ANKAR: variants seen among roughly 807,000 people sequenced by gnomAD.
ANKAR encodes the protein ankyrin and armadillo repeat-containing protein.
ANKAR carries 136 observed loss-of-function variants against 146.2 expected under a neutral mutation model. The ratio of observed to expected loss-of-function variants is 0.93; its 90% CI spans 0.81 to 1.07. The LOEUF is 1.07. Ranked by LOEUF, ANKAR falls within the 50% of genes least tolerant of loss-of-function variation. The pLI is 0.00. For missense variants in ANKAR, 1,567 were observed against 1,679.9 expected (o/e 0.93, Z 1.18); for synonymous variants, 500 against 575.8 (o/e 0.87, Z 1.88).
rs2042190332 is a variant in ANKAR at position 189,729,456 on chromosome 2, C to T, written c.3193+635C>T. On this transcript the variant is annotated intron_variant, in intron 15 of 22. Transcript: ENST00000684021. ...ATGAAGTATAATAGGAATTGATTCT[C>T]ACATTTTTTTCTCTTTGCTTGCCAA... Among the ~76,000 whole-genome samples the T allele has an allele frequency of 9.2e-5, 14 of 152,290 alleles. No individual in the cohort carries two copies. The South Asian group carries it at 2.9e-3, about 32-fold the overall frequency.
In ANKAR at chr2:189,754,884, C is replaced by T. The variant is rs764795908; in HGVS notation, c.*585-6214C>T. On this transcript the variant is annotated intron_variant and NMD_transcript_variant, in intron 18 of 18. Transcript: ENST00000441800. ...ACCTTTTTTGCAGTATGTTAGTTTA[C>T]GAAGCACGTTCTTTCACATACATTA... The T allele has an allele frequency of 4.1e-4, 147 of 362,924 alleles. 1 individual carries two copies. Among genetic ancestry groups the T allele is most frequent in the Non-Finnish European group, 1.4e-4 (28 of 204,124 alleles). 22.5% of individuals were successfully genotyped at this position (362,924 alleles called of 1,614,324 possible). A position where few individuals can be genotyped will look rare whatever the true frequency, so the allele number is the denominator to read the frequency against.
At position 189,754,433 on chromosome 2, in the gene ANKAR, A is replaced by C. The variant is rs144775603; in HGVS notation, c.*585-6665A>C. Reference sequence around the variant, plus strand: ...AGGAAATAAATTGAAAATTACTAACAAAACAAAAAACCCCTGAATGAATAA... The same window carrying C: ...AGGAAATAAATTGAAAATTACTAACCAAACAAAAAACCCCTGAATGAATAA... On this transcript the variant is annotated intron_variant and NMD_transcript_variant, in intron 18 of 18. Coordinates refer to the ANKAR transcript ENST00000441800. 374 of 1,197,422 alleles carry C rather than the reference A, an allele frequency of 3.1e-4. 2 individuals carry two copies. In the African/African-American group the frequency reaches 5.5e-3, roughly 17 times the overall value. The allele number at this position is 1,197,422 out of a possible 1,614,324, so 74.2% of individuals were successfully genotyped here. A position where few individuals can be genotyped will look rare whatever the true frequency, so the allele number is the denominator to read the frequency against.
At chr2:189,743,551 C>T (rs1178995930) in intron 21 of ANKAR, 77 bp downstream of exon 21, 1 of 1,280,398 alleles carries the variant, frequency 7.8e-7, no homozygotes. Flanking sequence ...TAAGATCCAA[C>T]AAGAGGAACT....
downstream of ANKAR, chr2:189,750,607 T>C (rs1352501233): frequency 1.9e-6 from 3 of 1,592,158 alleles, no homozygotes; most frequent in Admixed American, 5.3e-5. Context: ...TGTGGTACTT[T>C]TATGGAAGCT....
chr2:189,692,603 C>T (rs1333520747), intron 4 of ANKAR, 185 bp downstream of exon 4: 2 of 511,336 alleles, frequency 3.9e-6, no homozygotes, highest in Middle Eastern at 5.0e-4. Context: ...ATGTAAGGTA[C>T]TGTGTTGGAT....
Position 189,689,848 on chromosome 2 carries a change from A to T in ANKAR, c.923A>T (p.Asp308Val). The change falls in exon 3 of 23, where the codon GAT becomes GTT. Residue 308 changes from aspartate to valine, a missense_variant. By Grantham distance (152) the Asp-to-Val change is radical. Coordinates refer to ENST00000684021, the MANE Select transcript of ANKAR (RefSeq NM_001378068.1). ...CAAAAACACTTTGAGAAGAAAAAAG[A>T]TATCAGAAGAGGGATAGGATACCTA... ...IIQKHFEKKK[D>V]IRRGIGYLKL... The T allele has an allele frequency of 6.2e-7, 1 of 1,603,954 alleles. No individual in the cohort carries two copies. The highest frequency in any genetic ancestry group is 8.5e-7 in the Non-Finnish European group (1 of 1,175,592).
intron 7 of ANKAR, among the ~76,000 whole-genome samples, chr2:189,697,170 C>A (rs2037340782): frequency 6.6e-6 from 1 of 151,366 alleles, no homozygotes; most frequent in African/African-American, 2.4e-5. Flanking sequence ...GCTGGAGGAT[C>A]ACTTTAGACT....
chr2:189,743,063 GAAC>G (rs1358448475), intron 20 of ANKAR, among the ~76,000 whole-genome samples: 1 of 150,902 alleles, frequency 6.6e-6, no homozygotes, highest in African/African-American at 2.4e-5. Context: ...TTAAGACTGA[GAAC>G]AACCACTAGA....
intron 7 of ANKAR, among the ~76,000 whole-genome samples, chr2:189,698,061 G>C (rs923243684): frequency 1.3e-5 from 2 of 152,078 alleles, no homozygotes; most frequent in Non-Finnish European, 2.9e-5. Flanking sequence ...ATACTTCTAT[G>C]TGCATTCCCT....
chr2:189,694,393 A>G (rs1239648690), intron 5 of ANKAR, among the ~76,000 whole-genome samples: 1 of 152,120 alleles, frequency 6.6e-6, no homozygotes, highest in Non-Finnish European at 1.5e-5. Context: ...AAGGGGAGGA[A>G]GGTCGCCGTT....
intron 8 of ANKAR, among the ~76,000 whole-genome samples, chr2:189,705,457 G>A (rs896429580): frequency 7.2e-5 from 11 of 152,176 alleles, no homozygotes; most frequent in African/African-American, 2.2e-4. Context: ...TTATAAAGGC[G>A]AGAGCTTCTA....
At chr2:189,729,695 C>CGTGTGT (rs139823318) in intron 15 of ANKAR, among the ~76,000 whole-genome samples, 10 of 94,252 alleles carry the variant, frequency 1.1e-4, no homozygotes, top group African/African-American at 2.7e-4. Context: ...ATCAGCTGTG[C>CGTGTGT]GTGTGTGTGT....
rs1292919586 is a variant in ANKAR at position 189,692,553 on chromosome 2, TC to T, written c.1203+136del. The T allele has an allele frequency of 5.4e-6, 4 of 740,260 alleles. No homozygotes were observed. The African/African-American group carries it at 5.5e-5, about 10-fold the overall frequency. 45.9% of individuals were successfully genotyped at this position (740,260 alleles called of 1,614,324 possible). On this transcript the variant is annotated intron_variant, in intron 4 of 22. Transcript: ENST00000684021. The stretch of plus-strand genomic sequence containing the variant: ...TTATTCTCACAACTCAATAATTTTT[TC>T]ATACATTATTTTAACATCAATGAAT...
At chr2:189,725,876 C>G (rs968079650) in intron 12 of ANKAR, among the ~76,000 whole-genome samples, 1 of 152,046 alleles carries the variant, frequency 6.6e-6, no homozygotes, top group African/African-American at 2.4e-5. Context: ...TCATTGCATT[C>G]CAGCCTGGGT....
intron 18 of ANKAR, among the ~76,000 whole-genome samples, chr2:189,760,740 G>A (rs192616574): frequency 6.6e-6 from 1 of 151,896 alleles, no homozygotes; most frequent in African/African-American, 2.4e-5. Flanking sequence ...GCAGTGAGCC[G>A]AGATCATGCC....
chr2:189,682,122 CAATCAAAG>C (rs1398738131), intron 2 of ANKAR, among the ~76,000 whole-genome samples: 1 of 152,018 alleles, frequency 6.6e-6, no homozygotes, highest in Non-Finnish European at 1.5e-5. Context: ...GGCTCCTGGC[CAATCAAAG>C]ATGAGCATCA....
chr2:189,729,544 T>G (rs1470862872), intron 15 of ANKAR, among the ~76,000 whole-genome samples: 1 of 152,198 alleles, frequency 6.6e-6, no homozygotes, highest in African/African-American at 2.4e-5. Flanking sequence ...TGTTTCTTTT[T>G]TTTTGGCCAG....
chr2:189,716,015 C>G (rs1256080902), intron 10 of ANKAR, among the ~76,000 whole-genome samples: 1 of 152,064 alleles, frequency 6.6e-6, no homozygotes, highest in African/African-American at 2.4e-5. Context: ...AGCATTCCCT[C>G]TGAAAACTGG....
chr2:189,693,646 G>A (rs565131522), intron 5 of ANKAR, among the ~76,000 whole-genome samples: 1 of 152,266 alleles, frequency 6.6e-6, no homozygotes, highest in Admixed American at 6.5e-5. Context: ...GGGAGGATAG[G>A]ACCAAGTCTG....
Sources: gnomAD v4.1 joint callset for allele counts (sites outside exome capture counted in the v4.1 genomes callset) on GRCh38, gnomAD v4.1.1 for gene constraint, MANE v1.5 for transcripts, NCBI Gene and HGNC (gene_info 2026-07-23, HGNC 2026-07-21) for gene names.